REPS2: variants seen among roughly 807,000 people sequenced by gnomAD.
REPS2 encodes the protein RALBP1 associated Eps domain containing 2, also known as ralBP1-associated Eps domain-containing protein 2.
A neutral mutation model predicts 53.6 loss-of-function variants in REPS2; 23 were observed. That is an observed-to-expected ratio of 0.43 (90% CI 0.31 to 0.61). REPS2 has a LOEUF of 0.61. REPS2 is among the 20% of genes least tolerant of loss of function. The probability of loss-of-function intolerance (pLI) is 0.11; values close to 1 mark genes in which losing one functional copy is unlikely to be tolerated. For synonymous variants in REPS2, 238 were observed against 218.6 expected (o/e 1.09, Z -0.78); for missense variants, 446 against 534.9 (o/e 0.83, Z 1.64).
In REPS2 at chrX:17,022,336, G is replaced by A. The variant is rs183795851; in HGVS notation, c.546+65G>A. The stretch of plus-strand genomic sequence containing the variant: ...ATGAAACCGCATGTAGCAGGGCCTC[G>A]TATCTACTGTTCAGCTTCCAGCAAA... On this transcript the variant is annotated intron_variant, in intron 3 of 17. Transcript: ENST00000357277. 6.4e-5 allele frequency: 64 copies of A among 1,004,081 alleles called. 1 individual carries two copies. In the African/African-American group the frequency reaches 1.1e-3, roughly 17 times the overall value. 82.7% of individuals were successfully genotyped at this position (1,004,081 alleles called of 1,213,427 possible).
At chrX:17,009,801 CTTG>C (rs1188712822) in intron 2 of REPS2, among the ~76,000 whole-genome samples, 1 of 111,304 alleles carries the variant, frequency 9.0e-6, no homozygotes, top group African/African-American at 3.3e-5. Context: ...CAGTAGTCTG[CTTG>C]TTGTACTTTG....
intron 1 of REPS2, among the ~76,000 whole-genome samples, chrX:16,967,019 G>A (rs771209034): frequency 8.9e-6 from 1 of 112,084 alleles, no homozygotes; most frequent in South Asian, 3.7e-4. Context: ...CATATTGAAA[G>A]CATTCTTCTA....
the REPS2 span, among the ~76,000 whole-genome samples, chrX:17,178,057 T>G: frequency 8.9e-6 from 1 of 111,999 alleles, no homozygotes; most frequent in Non-Finnish European, 1.9e-5. Flanking sequence ...GAGATGAAAC[T>G]GTTAACTAAA....
intron 5 of REPS2, among the ~76,000 whole-genome samples, chrX:17,041,614 C>A (rs760975045): frequency 4.4e-4 from 49 of 111,963 alleles, no homozygotes; most frequent in African/African-American, 1.6e-3. Flanking sequence ...GAGGAGGCAT[C>A]CTCAGATATT....
chrX:16,994,409 G>A (rs1325503368), intron 1 of REPS2, among the ~76,000 whole-genome samples: 2 of 107,212 alleles, frequency 1.9e-5, no homozygotes, highest in Non-Finnish European at 3.8e-5. Context: ...ATACACACAC[G>A]TACATATATA....
At chrX:17,063,937 C>CACAT (rs2062192415) in intron 9 of REPS2, among the ~76,000 whole-genome samples, 1 of 110,730 alleles carries the variant, frequency 9.0e-6, no homozygotes, top group African/African-American at 3.3e-5. Flanking sequence ...CACACACACA[C>CACAT]ACACACACAC....
chrX:17,160,887 G>A, the REPS2 span, among the ~76,000 whole-genome samples: 1 of 111,865 alleles, frequency 8.9e-6, no homozygotes. Context: ...GTTACCCGAT[G>A]CCTGTCCCAC....
At position 17,149,082 on chromosome X, in the gene REPS2, G is replaced by T; in HGVS notation, c.*1601G>T. ...AAAAACAAATTGTTGAATCTATTCC[G>T]TGCATATTTAAGGATTTTGAATTGA... On this transcript the variant is annotated 3_prime_UTR_variant, in exon 18 of 18. Coordinates refer to ENST00000357277, the MANE Select transcript of REPS2 (RefSeq NM_004726.3). 3.3e-6 allele frequency: 1 copy of T among 299,924 alleles called. No homozygotes were observed. The highest frequency in any genetic ancestry group is 6.4e-6 in the Non-Finnish European group (1 of 155,940). The allele number at this position is 299,924 out of a possible 1,213,427, so 24.7% of individuals were successfully genotyped here. A position where few individuals can be genotyped will look rare whatever the true frequency, so the allele number is the denominator to read the frequency against.
chrX:17,003,462 C>T (rs2061329365), intron 1 of REPS2, among the ~76,000 whole-genome samples: 1 of 111,063 alleles, frequency 9.0e-6, no homozygotes, highest in Admixed American at 9.6e-5. Context: ...ACAGGAAGGG[C>T]GTGAAGAGTC....
the REPS2 span, among the ~76,000 whole-genome samples, chrX:17,189,371 C>T: frequency 1.8e-5 from 2 of 108,957 alleles, no homozygotes; most frequent in East Asian, 5.8e-4. Flanking sequence ...CTGCAACCTC[C>T]GCCTCCCGGG....
intron 13 of REPS2, 48 bp downstream of exon 13, chrX:17,077,455 A>G (rs774314280): frequency 8.9e-7 from 1 of 1,129,294 alleles, no homozygotes; most frequent in South Asian, 2.2e-5. Context: ...TGTTGGAGCC[A>G]GCGGATGTGT....
At chrX:17,111,891 G>A (rs1239410149) in intron 14 of REPS2, among the ~76,000 whole-genome samples, 1 of 111,582 alleles carries the variant, frequency 9.0e-6, no homozygotes, top group Non-Finnish European at 1.9e-5. Context: ...ACAGTTGAGG[G>A]ACAAGATAGG....
intron 1 of REPS2, among the ~76,000 whole-genome samples, chrX:17,001,935 A>G (rs769043563): frequency 8.0e-5 from 9 of 111,955 alleles, no homozygotes; most frequent in East Asian, 2.8e-4. Flanking sequence ...CCGTGATTCA[A>G]TTACCTCCCC....
chrX:17,015,699 A>G (rs1245437682), intron 2 of REPS2, among the ~76,000 whole-genome samples: 20 of 110,939 alleles, frequency 1.8e-4, no homozygotes, highest in African/African-American at 6.6e-4. Flanking sequence ...GCGGAGAATG[A>G]TGGTTTCCAG....
At chrX:17,008,843 C>T (rs1313138015) in intron 2 of REPS2, among the ~76,000 whole-genome samples, 1 of 111,188 alleles carries the variant, frequency 9.0e-6, no homozygotes, top group African/African-American at 3.3e-5. Flanking sequence ...ACCCTTATGT[C>T]ATGAATAACA....
intron 1 of REPS2, among the ~76,000 whole-genome samples, chrX:16,994,601 G>A (rs1200304663): frequency 9.0e-6 from 1 of 111,331 alleles, no homozygotes; most frequent in Non-Finnish European, 1.9e-5. Flanking sequence ...ACTTATAAGT[G>A]GGAGCTAAGC....
chrX:17,060,064 G>C (rs1429171152), intron 8 of REPS2, among the ~76,000 whole-genome samples: 1 of 110,853 alleles, frequency 9.0e-6, no homozygotes, highest in Non-Finnish European at 1.9e-5. Flanking sequence ...ACTCTGGGAA[G>C]CTGAGGCAGG....
At chrX:17,097,715 A>G (rs1267379437) in intron 13 of REPS2, among the ~76,000 whole-genome samples, 1 of 111,907 alleles carries the variant, frequency 8.9e-6, no homozygotes, top group Admixed American at 9.5e-5. Flanking sequence ...GAGTATGAGG[A>G]ATGGGAAAAG....
chrX:17,047,383 A>G lies in REPS2; in HGVS notation c.808A>G (p.Ser270Gly), dbSNP rs1472902560. The G allele has an allele frequency of 1.2e-5, 15 of 1,207,952 alleles. No individual in the cohort carries two copies. Among genetic ancestry groups the G allele is most frequent in the Non-Finnish European group, 1.6e-5 (14 of 893,483 alleles). The change falls in exon 6 of 18, where the codon AGT (serine) becomes GGT (glycine). Residue 270 changes from serine (S) to glycine (G), a missense_variant. By Grantham distance (56) the Ser-to-Gly change is moderately conservative (BLOSUM62 0). Coordinates refer to ENST00000357277, the MANE Select transcript of REPS2 (RefSeq NM_004726.3). ...GGAGAGGGAACTACAGGATAACAGC[A>G]GTTACCCCGACGAACCCTGGAGGAT... is the stretch of plus-strand genomic sequence containing the variant. The part of the protein sequence containing the change: ...SVERELQDNS[S>G]YPDEPWRITE...
Sources: gnomAD v4.1 joint callset for allele counts (sites outside exome capture counted in the v4.1 genomes callset) on GRCh38, gnomAD v4.1.1 for gene constraint, MANE v1.5 for transcripts, NCBI Gene and HGNC (gene_info 2026-07-23, HGNC 2026-07-21) for gene names.